Variants in MRTFA observed in about 807,000 individuals in gnomAD.
MRTFA encodes the protein myocardin-related transcription factor A.
A neutral mutation model predicts 83.5 loss-of-function variants in MRTFA; 20 were observed. That is an observed-to-expected ratio of 0.24 (90% CI 0.17 to 0.35). The LOEUF (loss-of-function observed/expected upper bound fraction) is 0.35, where lower values mean the gene tolerates loss of function less well. MRTFA is among the 10% of genes least tolerant of loss of function. MRTFA has a pLI of 1.00. For missense variants in MRTFA, 1,200 were observed against 1,224.7 expected (o/e 0.98, Z 0.30); for synonymous variants, 659 against 541.2 (o/e 1.22, Z -3.02).
intron 3 of MRTFA, among the ~76,000 whole-genome samples, chr22:40,477,706 T>C (rs1459193329): frequency 1.3e-5 from 2 of 151,732 alleles, no homozygotes; most frequent in African/African-American, 4.9e-5. Flanking sequence ...CAAGGTAAAA[T>C]GATCTTATAT....
At chr22:40,546,881 C>T (rs1477476073) in intron 3 of MRTFA, among the ~76,000 whole-genome samples, 3 of 152,082 alleles carry the variant, frequency 2.0e-5, no homozygotes, top group Admixed American at 6.5e-5. Context: ...TATTGCCAGG[C>T]GCGGTGGATC....
chr22:40,516,832 C>T (rs1334273165), intron 3 of MRTFA, among the ~76,000 whole-genome samples: 1 of 152,044 alleles, frequency 6.6e-6, no homozygotes, highest in African/African-American at 2.4e-5. Flanking sequence ...GCTCATCGTA[C>T]AAGAGCTTTT....
intron 3 of MRTFA, among the ~76,000 whole-genome samples, chr22:40,547,027 C>T (rs1308001517): frequency 6.6e-6 from 1 of 151,906 alleles, no homozygotes; most frequent in East Asian, 1.9e-4. Flanking sequence ...TGGTGGTAGG[C>T]ACCTGTAGTC....
intron 2 of MRTFA, among the ~76,000 whole-genome samples, chr22:40,572,860 T>C (rs1007806639): frequency 6.6e-6 from 1 of 152,202 alleles, no homozygotes; most frequent in Non-Finnish European, 1.5e-5. Context: ...CCCCTGTAAT[T>C]CAATCACTTC....
chr22:40,596,576 C>T (rs539965380), intron 1 of MRTFA, among the ~76,000 whole-genome samples: 11 of 152,022 alleles, frequency 7.2e-5, no homozygotes, highest in Admixed American at 2.0e-4. Context: ...CCAAGGCGGG[C>T]GGATCACTTG....
intron 3 of MRTFA, among the ~76,000 whole-genome samples, chr22:40,528,536 G>C (rs768834596): frequency 1.3e-5 from 2 of 151,846 alleles, no homozygotes; most frequent in African/African-American, 2.4e-5. Context: ...TCAGGAATTC[G>C]AGACCAGCCT....
chr22:40,493,393 A>G (rs2054301058), intron 3 of MRTFA, among the ~76,000 whole-genome samples: 1 of 152,228 alleles, frequency 6.6e-6, no homozygotes, highest in African/African-American at 2.4e-5. Context: ...GAAACTAGAT[A>G]AAGTATAAGA....
intron 1 of MRTFA, among the ~76,000 whole-genome samples, chr22:40,626,436 G>A (rs1243229228): frequency 1.3e-5 from 2 of 152,098 alleles, no homozygotes; most frequent in African/African-American, 4.8e-5. Flanking sequence ...GGGATTATCG[G>A]TGCACAGCGC....
intron 2 of MRTFA, among the ~76,000 whole-genome samples, chr22:40,589,381 C>T (rs1430465948): frequency 2.6e-5 from 4 of 152,142 alleles, no homozygotes; most frequent in Non-Finnish European, 5.9e-5. Flanking sequence ...CTATTTAATC[C>T]TCATAAAAAC....
intron 3 of MRTFA, among the ~76,000 whole-genome samples, chr22:40,541,753 G>C (rs551485418): frequency 6.8e-6 from 1 of 147,908 alleles, no homozygotes; most frequent in African/African-American, 2.5e-5. Flanking sequence ...TGTAATCTCC[G>C]CCTCCCGGGT....
At position 40,419,218 on chromosome 22, in the gene MRTFA, A is replaced by G; in HGVS notation, c.1520T>C (p.Val507Ala). 1 of 1,603,376 alleles carries G rather than the reference A, an allele frequency of 6.2e-7. No homozygotes were observed. The highest frequency in any genetic ancestry group is 1.3e-5 in the African/African-American group (1 of 74,746). The change falls in exon 12 of 15, where the codon GTG becomes GCG. Residue 507 changes from valine (V) to alanine (A), a missense_variant. By Grantham distance (64) the Val-to-Ala change is moderately conservative. This residue lies in a region of MRTFA where 1,107 missense variants were observed against 1,041.8 expected (regional missense o/e 1.06). Transcript: ENST00000355630. The stretch of plus-strand genomic sequence containing the variant: ...CAGCCGGGCCGCTGGGAAGGCTACC[A>G]CCACCTCGCCAGCCTTGTGCAGGAT...
Position 40,418,650 on chromosome 22 carries a change from TG to T in MRTFA, c.2087del (p.Pro696HisfsTer14). On this transcript the variant is annotated frameshift_variant, in exon 12 of 15. Transcript: ENST00000355630. LOFTEE classifies it high-confidence loss of function. ...CTGGGGCCGCCAGGCTGGGGTTGAA[TG>T]GGTGAGCGGGGCCCAGGGGCTGCTG... The T allele has an allele frequency of 7.1e-7, 1 of 1,403,068 alleles. No homozygotes were observed. The allele number at this position is 1,403,068 out of a possible 1,614,324, so 86.9% of individuals were successfully genotyped here.
chr22:40,412,798 T>C (rs1162474421), intron 14 of MRTFA: 2 of 152,108 alleles, frequency 1.3e-5, no homozygotes, highest in Non-Finnish European at 2.9e-5. Flanking sequence ...GCTGTACACA[T>C]TATGAATGTA....
chr22:40,626,028 G>A (rs1394599474), intron 1 of MRTFA, among the ~76,000 whole-genome samples: 2 of 151,770 alleles, frequency 1.3e-5, no homozygotes, highest in African/African-American at 4.8e-5. Flanking sequence ...CTGTCCCCCA[G>A]GGTGGAGTGC....
rs1205623649 is a variant in MRTFA, at chr22:40,463,262, C to T, written c.266G>A (p.Arg89His). 2 of 1,613,944 alleles carry T rather than the reference C, an allele frequency of 1.2e-6. No individual in the cohort carries two copies. Among genetic ancestry groups the T allele is most frequent in the Admixed American group, 1.7e-5 (1 of 59,998 alleles). The change falls in exon 4 of 15, where the codon CGC (arginine) becomes CAC (histidine). Residue 89 changes from arginine to histidine, a missense_variant. Transcript: ENST00000355630. ...GCTCACCAGTTCTTCCCGGGTCCGG[C>T]GCTGCTGGAGTTTCAACTGTAGCAC...
chr22:40,622,231 C>G (rs998159256), intron 1 of MRTFA, among the ~76,000 whole-genome samples: 2 of 152,054 alleles, frequency 1.3e-5, no homozygotes, highest in African/African-American at 4.8e-5. Context: ...CCTGTAATCC[C>G]AGCACTTTGG....
chr22:40,555,553 G>C (rs1313982661), intron 2 of MRTFA, among the ~76,000 whole-genome samples: 1 of 151,260 alleles, frequency 6.6e-6, no homozygotes, highest in African/African-American at 2.4e-5. Flanking sequence ...GCAAAACCAT[G>C]AACCAATTAA....
Position 40,411,621 on chromosome 22 carries a change from G to A in MRTFA, c.2865C>T (p.Asp955=). Residue 955 remains aspartate, a synonymous_variant, in exon 15 of 15, where the codon GAC becomes GAT. Transcript: ENST00000355630. ...AGGTGTCCATGGGTGACGGGGGGTG[G>A]TCCAGGATGGCAGTGCTGCTCAGCA... 6.2e-7 allele frequency: 1 copy of A among 1,613,638 alleles called. No individual in the cohort carries two copies. Among genetic ancestry groups the A allele is most frequent in the Non-Finnish European group, 8.5e-7 (1 of 1,179,976 alleles).
chr22:40,459,782 T>TACACATACACAC, intron 4 of MRTFA, among the ~76,000 whole-genome samples: 1 of 88,914 alleles, frequency 1.1e-5, no homozygotes, highest in Non-Finnish European at 2.1e-5. Flanking sequence ...TGATAAAATA[T>TACACATACACAC]ACACACACAC....
Sources: allele counts gnomAD v4.1 joint callset (sites outside exome capture counted in the v4.1 genomes callset), GRCh38; gene constraint gnomAD v4.1.1; regional missense constraint gnomAD v4.1.1; transcripts MANE v1.5; gene names NCBI Gene and HGNC (gene_info 2026-07-23, HGNC 2026-07-21).